Variants in ACADM observed in about 807,000 individuals in gnomAD.
The protein encoded by ACADM is medium-chain specific acyl-CoA dehydrogenase, mitochondrial.
In ACADM, 49 loss-of-function variants were observed where a neutral mutation model predicts 58.9. That is an observed-to-expected ratio of 0.83 (90% CI 0.66 to 1.06). The LOEUF (loss-of-function observed/expected upper bound fraction) is 1.06, where lower values mean the gene tolerates loss of function less well. ACADM is among the 50% of genes least tolerant of loss of function. The pLI is 0.00. For synonymous variants in ACADM, 160 were observed against 157.7 expected (o/e 1.01, Z -0.11); for missense variants, 496 against 507.0 (o/e 0.98, Z 0.21).
intron 6 of ACADM, among the ~76,000 whole-genome samples, chr1:75,736,159 TACAC>T (rs1166162798): frequency 2.0e-4 from 21 of 107,016 alleles, no homozygotes; most frequent in African/African-American, 6.6e-4. Flanking sequence ...ACAAGATAAA[TACAC>T]ACACAGACAT....
intron 7 of ACADM, chr1:75,743,900 G>C: frequency 6.9e-7 from 1 of 1,456,176 alleles, no homozygotes; most frequent in Non-Finnish European, 9.7e-7. Context: ...GGCTGTTCCT[G>C]CAAGGCAAAG....
intron 1 of ACADM, among the ~76,000 whole-genome samples, chr1:75,725,857 A>G (rs930590252): frequency 1.3e-5 from 2 of 152,228 alleles, no homozygotes; most frequent in East Asian, 1.9e-4. Context: ...AACGGAAGCT[A>G]TAAGCAGTTT....
At chr1:75,749,311 G>C in intron 8 of ACADM, 108 bp from the exon 9 acceptor site, 1 of 1,146,386 alleles carries the variant, frequency 8.7e-7, no homozygotes, top group Non-Finnish European at 1.3e-6. Context: ...ACTACAGTTT[G>C]TTGATCCCTG....
At chr1:75,744,893 C>A (rs1647805410) in intron 7 of ACADM, 1 of 374,392 alleles carries the variant, frequency 2.7e-6, no homozygotes. Flanking sequence ...GAAAAAGTGC[C>A]AGTTTCAACA....
Position 75,761,318 on chromosome 1 carries a change from T to G in ACADM, c.1142T>G (p.Phe381Cys). ...GTGCAGATACTTGGAGGCAATGGAT[T>G]TAATACAGAATATCCTGTAGAAAAA... ...DAVQILGGNGFNTEYPVEKLM... is the reference protein window; with the variant it reads ...DAVQILGGNGCNTEYPVEKLM... The change falls in exon 11 of 12, where the codon TTT becomes TGT. Residue 381 changes from phenylalanine (F) to cysteine (C), a missense_variant. Physicochemically the swap from Phe to Cys is radical, Grantham distance 205 (BLOSUM62 -2). Coordinates refer to ENST00000370841, the MANE Select transcript of ACADM (RefSeq NM_000016.6). 1 of 1,613,992 alleles carries G rather than the reference T, an allele frequency of 6.2e-7. No individual in the cohort carries two copies. The highest frequency in any genetic ancestry group is 8.5e-7 in the Non-Finnish European group (1 of 1,179,876).
chr1:75,731,430 C>T (rs1269816495), intron 2 of ACADM, among the ~76,000 whole-genome samples: 1 of 151,338 alleles, frequency 6.6e-6, no homozygotes, highest in East Asian at 1.9e-4. Flanking sequence ...TCTCATTTTT[C>T]TTGCTTGAAA....
chr1:75,735,843 A>G (rs955921178), intron 6 of ACADM, among the ~76,000 whole-genome samples: 6 of 148,152 alleles, frequency 4.0e-5, no homozygotes, highest in Non-Finnish European at 9.0e-5. Flanking sequence ...CTCTGTCTCA[A>G]AAAAAAAAAA....
chr1:75,726,104 C>T (rs1274304487), intron 1 of ACADM, among the ~76,000 whole-genome samples: 1 of 152,174 alleles, frequency 6.6e-6, no homozygotes, highest in Non-Finnish European at 1.5e-5. Flanking sequence ...GTGACTTTTT[C>T]CCTATTTAAA....
At chr1:75,729,284 C>CT (rs1647105645) in intron 2 of ACADM, among the ~76,000 whole-genome samples, 18 of 70,880 alleles carry the variant, frequency 2.5e-4, no homozygotes, top group East Asian at 4.3e-4. Flanking sequence ...CTTTTTCTTT[C>CT]TTTCTTTTTT....
At position 75,724,754 on chromosome 1, in the gene ACADM, T is replaced by C. The variant is rs59932454; in HGVS notation, c.-34T>C. ...GAGTATGTCAAGGCCGTGACCCGTG[T>C]ATTATTGTCCGAGTGGCCGGAACGG... On this transcript the variant is annotated 5_prime_UTR_variant, in exon 1 of 12. Coordinates refer to ENST00000370841, the MANE Select transcript of ACADM (RefSeq NM_000016.6). The C allele has an allele frequency of 0.031, 47,801 of 1,535,728 alleles. 1,086 individuals carry two copies. Among genetic ancestry groups the C allele is most frequent in the African/African-American group, 0.11 (7,754 of 70,312 alleles).
intron 10 of ACADM, among the ~76,000 whole-genome samples, chr1:75,757,706 G>T (rs2100441916): frequency 6.6e-6 from 1 of 152,300 alleles, no homozygotes; most frequent in East Asian, 1.9e-4. Flanking sequence ...CCATTGCTGG[G>T]TATATACCCA....
chr1:75,737,002 T>C (rs1647288439), intron 6 of ACADM, among the ~76,000 whole-genome samples: 1 of 152,046 alleles, frequency 6.6e-6, no homozygotes, highest in Admixed American at 6.6e-5. Flanking sequence ...CATAATTTGC[T>C]ATCTAATGGA....
intron 6 of ACADM, among the ~76,000 whole-genome samples, chr1:75,737,671 T>C (rs1647344766): frequency 1.3e-5 from 2 of 152,124 alleles, no homozygotes; most frequent in South Asian, 4.1e-4. Context: ...ACCATCTGGC[T>C]GACATGTTTT....
chr1:75,726,110 T>G (rs1208436516), intron 1 of ACADM, among the ~76,000 whole-genome samples: 1 of 152,222 alleles, frequency 6.6e-6, no homozygotes, highest in Non-Finnish European at 1.5e-5. Context: ...TTTTCCCTAT[T>G]TAAATTCCCT....
intron 2 of ACADM, 132 bp downstream of exon 2, chr1:75,728,620 A>C: frequency 1.5e-6 from 1 of 682,750 alleles, no homozygotes; most frequent in African/African-American, 1.8e-5. Context: ...GTCCACAGAT[A>C]ATTTACAATA....
At chr1:75,754,830 C>A (rs999139811) in intron 10 of ACADM, 1 of 152,302 alleles carries the variant, frequency 6.6e-6, no homozygotes, top group Non-Finnish European at 1.5e-5. Context: ...ACCCAGGAAG[C>A]GCAAGGGGTC....
chr1:75,744,074 G>A (rs1647743476), intron 7 of ACADM: 2 of 1,587,248 alleles, frequency 1.3e-6, no homozygotes, highest in Non-Finnish European at 8.7e-7. Flanking sequence ...CAGACGCTGA[G>A]CAATGCACTG....
intron 7 of ACADM, chr1:75,743,306 G>C (rs1647689120): frequency 8.3e-7 from 1 of 1,208,168 alleles, no homozygotes; most frequent in Admixed American, 2.2e-5. Context: ...TTCCTTGCTT[G>C]AGGCCAACAG....
At chr1:75,732,594 C>A in intron 2 of ACADM, 50 bp from the exon 3 acceptor site, 1 of 1,383,334 alleles carries the variant, frequency 7.2e-7, no homozygotes, top group Non-Finnish European at 1.0e-6. Flanking sequence ...CTTCATAGGA[C>A]ATTTTTCCTT....
Sources: gnomAD v4.1 joint callset for allele counts (sites outside exome capture counted in the v4.1 genomes callset) on GRCh38, gnomAD v4.1.1 for gene constraint, MANE v1.5 for transcripts, NCBI Gene and HGNC (gene_info 2026-07-23, HGNC 2026-07-21) for gene names.